FCGR1A: variants seen among roughly 807,000 people sequenced by gnomAD.
FCGR1A encodes the protein Fc gamma receptor Ia, also known as high affinity immunoglobulin gamma Fc receptor I.
A neutral mutation model predicts 35.0 loss-of-function variants in FCGR1A; 13 were observed. The ratio of observed to expected loss-of-function variants is 0.37; its 90% CI spans 0.24 to 0.59. The LOEUF is 0.59. Among genes scored for constraint, FCGR1A ranks in the 20% least tolerant of loss-of-function variants. FCGR1A has a pLI of 0.71. For synonymous variants in FCGR1A, 91 were observed against 164.7 expected (o/e 0.55, Z 3.43); for missense variants, 227 against 430.0 (o/e 0.53, Z 4.17).
chr1:149,791,478 G>A lies in FCGR1A; in HGVS notation c.1086G>A (p.Gln362=). The A allele has an allele frequency of 6.2e-7, 1 of 1,609,442 alleles. No homozygotes were observed. Among genetic ancestry groups the A allele is most frequent in the Non-Finnish European group, 8.5e-7 (1 of 1,179,264 alleles). The change falls in exon 6 of 6, where the codon CAG becomes CAA. Residue 362 remains glutamine, a synonymous_variant. Transcript: ENST00000369168. The part of the protein sequence containing the change: ...KCQEQKEEQL[Q]EGVHRKEPQG... ...AGGAACAAAAAGAAGAACAGCTGCA[G>A]GAAGGGGTGCACCGGAAGGAGCCCC... is the stretch of plus-strand genomic sequence containing the variant.
At chr1:149,788,964 C>A (rs1278750617) in intron 4 of FCGR1A, among the ~76,000 whole-genome samples, 1 of 151,852 alleles carries the variant, frequency 6.6e-6, no homozygotes, top group Non-Finnish European at 1.5e-5. Context: ...ACCATGGAAT[C>A]TCATGGAAGC....
rs1553751613 is a variant in FCGR1A at position 149,790,314 on chromosome 1, C to G, written c.820C>G (p.Pro274Ala). The G allele has an allele frequency of 6.3e-7, 1 of 1,588,946 alleles. No individual in the cohort carries two copies. ...GGATGGAAATGTCCTTAAGCGCAGC[C>G]CTGAGTTGGAGCTTCAAGTGCTTGG... The part of the protein sequence containing the change: ...TEDGNVLKRS[P>A]ELELQVLGLQ... The change falls in exon 5 of 6, where the codon CCT becomes GCT. Residue 274 changes from proline (P) to alanine (A), a missense_variant. By Grantham distance (27) the Pro-to-Ala change is conservative. This residue lies in a region of FCGR1A where 185 missense variants were observed against 306.6 expected (regional missense o/e 0.60). Coordinates refer to ENST00000369168, the MANE Select transcript of FCGR1A (RefSeq NM_000566.4).
downstream of FCGR1A, chr1:149,793,223 G>C (rs1553752415): frequency 6.3e-6 from 8 of 1,265,968 alleles, no homozygotes; most frequent in Non-Finnish European, 7.1e-6. Context: ...TTGGCTTGTC[G>C]CAAGAGCAGC....
At chr1:149,785,013 A>G (rs1390784085) in intron 3 of FCGR1A, among the ~76,000 whole-genome samples, 1 of 152,228 alleles carries the variant, frequency 6.6e-6, no homozygotes, top group South Asian at 2.1e-4. Flanking sequence ...TATTCTGGAC[A>G]TGGAATTATT....
intron 4 of FCGR1A, among the ~76,000 whole-genome samples, chr1:149,789,786 T>C (rs1456135488): frequency 6.6e-6 from 1 of 152,266 alleles, no homozygotes; most frequent in African/African-American, 2.4e-5. Flanking sequence ...GTGGAAAAGT[T>C]GCCTTCCACA....
At chr1:149,786,264 T>C (rs2091547157) in intron 3 of FCGR1A, 1 of 152,206 alleles carries the variant, frequency 6.6e-6, no homozygotes, top group African/African-American at 2.4e-5. Context: ...TAAGGTCTTT[T>C]TGATAATTTT....
chr1:149,785,383 TTAGGGAAGCTGACAGAGCTGTTTCG>T (rs2091513645), intron 3 of FCGR1A, among the ~76,000 whole-genome samples: 1 of 148,080 alleles, frequency 6.8e-6, no homozygotes, highest in Admixed American at 6.8e-5. Flanking sequence ...GATGGAGAGG[TTAGGGAAGCTGACAGAGCTGTTTCG>T]TTTTTTTTTT....
At chr1:149,793,062 G>A (rs2091752098), downstream of FCGR1A, 1 of 1,264,978 alleles carries the variant, frequency 7.9e-7, no homozygotes. Context: ...GGCGCCACCT[G>A]GCGGCCGTCT....
Position 149,788,096 on chromosome 1 carries a change from C to T in FCGR1A, c.308-270C>T. 4 of 478,892 alleles carry T rather than the reference C, an allele frequency of 8.4e-6. No homozygotes were observed. The South Asian group carries it at 8.4e-5, about 10-fold the overall frequency. 29.7% of individuals were successfully genotyped at this position (478,892 alleles called of 1,614,324 possible). On this transcript the variant is annotated intron_variant, in intron 3 of 5. Coordinates refer to ENST00000369168, the MANE Select transcript of FCGR1A (RefSeq NM_000566.4). ...TGGGATCATTTTAGAATTCTGCCTA[C>T]CATGCTGTATGAACTGTTTTTGTTT...
chr1:149,785,339 T>C (rs2091512499), intron 3 of FCGR1A, among the ~76,000 whole-genome samples: 1 of 150,902 alleles, frequency 6.6e-6, no homozygotes, highest in South Asian at 2.1e-4. Context: ...ATGTTCCTCA[T>C]GTGTCCCTTA....
At chr1:149,790,449 T>G (rs1388717737) in intron 5 of FCGR1A, 111 bp downstream of exon 5, 294 of 1,531,658 alleles carry the variant, frequency 1.9e-4, no homozygotes, top group Non-Finnish European at 2.5e-4. Flanking sequence ...GGAAAGTCTC[T>G]TCAGGAAAAG....
At chr1:149,799,534 G>A in the FCGR1A span, among the ~76,000 whole-genome samples, 1 of 151,942 alleles carries the variant, frequency 6.6e-6, no homozygotes, top group East Asian at 1.9e-4. Flanking sequence ...CTACACAATA[G>A]TAGGTTGTAC....
chr1:149,799,947 T>A, the FCGR1A span, among the ~76,000 whole-genome samples: 1 of 152,004 alleles, frequency 6.6e-6, no homozygotes, highest in African/African-American at 2.4e-5. Context: ...GTACTCCAAT[T>A]CAATTTTTAC....
At chr1:149,786,329 T>C (rs1208224318) in intron 3 of FCGR1A, 2 of 152,234 alleles carry the variant, frequency 1.3e-5, no homozygotes, top group African/African-American at 4.8e-5. Context: ...ATATTCTGGA[T>C]ATAAGTCCTT....
At chr1:149,795,266 ATAAAT>A (rs2091787249), downstream of FCGR1A, among the ~76,000 whole-genome samples, 1 of 139,282 alleles carries the variant, frequency 7.2e-6, no homozygotes, top group Non-Finnish European at 1.5e-5. Flanking sequence ...AAATAAATAA[ATAAAT>A]AAATAAATAA....
chr1:149,796,653 G>A (rs2788765), downstream of FCGR1A, among the ~76,000 whole-genome samples: 2 of 152,200 alleles, frequency 1.3e-5, no homozygotes, highest in Non-Finnish European at 2.9e-5. Flanking sequence ...CTGCACTTAA[G>A]TAGCTCCTTG....
Position 149,788,395 on chromosome 1 carries a change from G to A in FCGR1A, c.337G>A (p.Val113Ile), listed in dbSNP as rs1248230268. 5.0e-6 allele frequency: 8 copies of A among 1,613,296 alleles called. No homozygotes were observed. The East Asian group carries it at 6.7e-5, about 13-fold the overall frequency. ...GWLLLQVSSRVFTEGEPLALR... is the reference protein window; with the variant it reads ...GWLLLQVSSRIFTEGEPLALR... The stretch of plus-strand genomic sequence containing the variant: ...GCTACTACTGCAGGTCTCCAGCAGA[G>A]TCTTCACGGAAGGAGAACCTCTGGC... Residue 113 changes from valine (V) to isoleucine (I), a missense_variant, in exon 4 of 6, where the codon GTC (valine) becomes ATC (isoleucine). Around this residue, in one of 3 missense-constraint regions of FCGR1A, gnomAD observed 185 missense variants for 306.6 expected, o/e 0.60. Transcript: ENST00000369168.
chr1:149,797,796 C>T, the FCGR1A span, among the ~76,000 whole-genome samples: 3 of 152,260 alleles, frequency 2.0e-5, no homozygotes, highest in South Asian at 6.2e-4. Context: ...CAGGGTCCTG[C>T]CATGTTGTCC....
downstream of FCGR1A, chr1:149,792,807 C>A: frequency 3.1e-6 from 4 of 1,279,262 alleles, no homozygotes; most frequent in Non-Finnish European, 4.1e-6. Flanking sequence ...CTGTAGGAGT[C>A]GGTGGGCAGC....
Sources: allele counts gnomAD v4.1 joint callset (sites outside exome capture counted in the v4.1 genomes callset), GRCh38; gene constraint gnomAD v4.1.1; regional missense constraint gnomAD v4.1.1; transcripts MANE v1.5; gene names NCBI Gene and HGNC (gene_info 2026-07-23, HGNC 2026-07-21).